Variants in EHD4 observed in about 807,000 individuals in gnomAD.
EHD4 encodes EH domain-containing protein 4.
In EHD4, 37 loss-of-function variants were observed where a neutral mutation model predicts 51.0. That is an observed-to-expected ratio of 0.73 (90% CI 0.56 to 0.95). The LOEUF (loss-of-function observed/expected upper bound fraction) is 0.95, where lower values mean the gene tolerates loss of function less well. EHD4 is among the 40% of genes least tolerant of loss of function. The pLI is 0.00. For missense variants in EHD4, 632 were observed against 733.1 expected (o/e 0.86, Z 1.59); for synonymous variants, 297 against 317.3 (o/e 0.94, Z 0.68).
Position 41,916,142 on chromosome 15 carries a change from T to C in EHD4, c.924+3068A>G, listed in dbSNP as rs755789345. On this transcript the variant is annotated intron_variant, in intron 4 of 5. Transcript: ENST00000220325. ...AGCTGACATCTGAAAACTTACCCTT[T>C]GCATGTTTTCAAAGTGTCAGCTTGA... Among the ~76,000 whole-genome samples the C allele has an allele frequency of 7.9e-5, 12 of 152,322 alleles. No homozygotes were observed. In the South Asian group the frequency reaches 1.5e-3, roughly 18 times the overall value.
chr15:41,898,418 G>A lies in EHD4; in HGVS notation c.*2227C>T, dbSNP rs2067453903. 6.6e-6 allele frequency: 1 copy of A among 152,218 alleles called. No individual in the cohort carries two copies. The allele number at this position is 152,218 out of a possible 1,614,324, so 9.4% of individuals were successfully genotyped here. A position where few individuals can be genotyped will look rare whatever the true frequency, so the allele number is the denominator to read the frequency against. On this transcript the variant is annotated 3_prime_UTR_variant, in exon 6 of 6. Coordinates refer to ENST00000220325, the MANE Select transcript of EHD4 (RefSeq NM_139265.4). Reference sequence around the variant, plus strand: ...CATGTTTATATATGACAATTGAGGAGAGTTAAAGAACAAGATAATTCTGGA... The same window carrying A: ...CATGTTTATATATGACAATTGAGGAAAGTTAAAGAACAAGATAATTCTGGA...
chr15:41,932,968 C>G (rs1218155716), intron 3 of EHD4, among the ~76,000 whole-genome samples: 1 of 152,230 alleles, frequency 6.6e-6, no homozygotes, highest in Non-Finnish European at 1.5e-5. Flanking sequence ...CCGCCCCTAT[C>G]ACCAGTTATT....
chr15:41,955,020 A>G (rs750877393), intron 1 of EHD4, among the ~76,000 whole-genome samples: 8 of 152,204 alleles, frequency 5.3e-5, no homozygotes, highest in Non-Finnish European at 1.0e-4. Flanking sequence ...CAAAGTTTCT[A>G]CGTTTCTGTG....
chr15:41,921,972 G>A (rs1022348989), intron 3 of EHD4, among the ~76,000 whole-genome samples: 1 of 152,252 alleles, frequency 6.6e-6, no homozygotes, highest in Middle Eastern at 3.4e-3. Context: ...TGGTGGTGGC[G>A]GCTTCCTAAC....
chr15:41,944,337 T>C (rs1273751347), intron 2 of EHD4, among the ~76,000 whole-genome samples: 2 of 152,226 alleles, frequency 1.3e-5, no homozygotes, highest in African/African-American at 2.4e-5. Context: ...GCACTGTGCA[T>C]GTTTAAGGCA....
At chr15:41,933,127 G>A (rs923608871) in intron 3 of EHD4, among the ~76,000 whole-genome samples, 7 of 152,224 alleles carry the variant, frequency 4.6e-5, no homozygotes, top group Admixed American at 6.5e-5. Context: ...GGGCCCACAG[G>A]AGTGTGCCTG....
At chr15:41,931,715 C>T (rs1295308613) in intron 3 of EHD4, among the ~76,000 whole-genome samples, 3 of 148,978 alleles carry the variant, frequency 2.0e-5, no homozygotes, top group South Asian at 4.2e-4. Context: ...CTAGCTCTGT[C>T]ACCCAGGCTG....
chr15:41,901,765 GCT>G (rs1469512723), intron 5 of EHD4, among the ~76,000 whole-genome samples: 1 of 152,126 alleles, frequency 6.6e-6, no homozygotes, highest in Middle Eastern at 3.2e-3. Flanking sequence ...CTTCTTAGTG[GCT>G]CTAACCTCTT....
chr15:41,939,081 G>A (rs2067749915), intron 3 of EHD4, among the ~76,000 whole-genome samples: 1 of 152,162 alleles, frequency 6.6e-6, no homozygotes, highest in African/African-American at 2.4e-5. Flanking sequence ...TCTCATCGCA[G>A]AGTCAAACAC....
In EHD4 at chr15:41,905,700, CTCCTCTG is replaced by C. The variant is rs1361579207; in HGVS notation, c.1089+3992_1089+3998del. Among the ~76,000 whole-genome samples, 6 of 152,316 alleles carry C rather than the reference CTCCTCTG, an allele frequency of 3.9e-5. No homozygotes were observed. The East Asian group carries it at 1.2e-3, about 29-fold the overall frequency. ...CATTTTTTCTGTTTTTTGACAGGGT[CTCCTCTG>C]TCGCCCAGGCTGGAGTGCAGTGGCG... On this transcript the variant is annotated intron_variant, in intron 5 of 5. Transcript: ENST00000220325.
chr15:41,941,636 G>A (rs1015763794), intron 3 of EHD4: 7 of 149,550 alleles, frequency 4.7e-5, no homozygotes, highest in Admixed American at 1.3e-4. Flanking sequence ...GCCCGGGAAA[G>A]GTGACCTTAA....
intron 1 of EHD4, among the ~76,000 whole-genome samples, chr15:41,967,649 T>C (rs2067968979): frequency 1.3e-5 from 2 of 152,322 alleles, no homozygotes; most frequent in Non-Finnish European, 2.9e-5. Flanking sequence ...TTTTTAAAAA[T>C]AGATGAACCA....
At chr15:41,949,049 T>TATATAC (rs2067835129) in intron 2 of EHD4, among the ~76,000 whole-genome samples, 1 of 102,418 alleles carries the variant, frequency 9.8e-6, no homozygotes, top group Admixed American at 9.8e-5. Context: ...TATATATATA[T>TATATAC]ATACACACAT....
chr15:41,905,731 C>T (rs1228501065), intron 5 of EHD4, among the ~76,000 whole-genome samples: 1 of 152,144 alleles, frequency 6.6e-6, no homozygotes, highest in Non-Finnish European at 1.5e-5. Flanking sequence ...AGTGCAGTGG[C>T]GTGATCATGG....
intron 1 of EHD4, among the ~76,000 whole-genome samples, chr15:41,970,123 C>G (rs1432400534): frequency 1.3e-5 from 2 of 152,152 alleles, no homozygotes; most frequent in Non-Finnish European, 2.9e-5. Context: ...CACAAGTCTC[C>G]AGGGTAGCTG....
At chr15:41,949,051 T>TATATATATATAC (rs1491135423) in intron 2 of EHD4, among the ~76,000 whole-genome samples, 92 of 109,372 alleles carry the variant, frequency 8.4e-4, no homozygotes, top group South Asian at 2.9e-3. Flanking sequence ...TATATATATA[T>TATATATATATAC]ACACACATAC....
intron 3 of EHD4, among the ~76,000 whole-genome samples, chr15:41,925,131 A>G (rs1401869839): frequency 6.6e-6 from 1 of 152,090 alleles, no homozygotes; most frequent in Non-Finnish European, 1.5e-5. Context: ...GCAAAAGTAA[A>G]TAGGAAGAAA....
At chr15:41,915,544 G>T (rs1279996647) in intron 4 of EHD4, among the ~76,000 whole-genome samples, 1 of 152,116 alleles carries the variant, frequency 6.6e-6, no homozygotes, top group Non-Finnish European at 1.5e-5. Flanking sequence ...CCTCATTTTT[G>T]TTGAGCAAAG....
At chr15:41,944,590 G>T (rs1171056493) in intron 2 of EHD4, among the ~76,000 whole-genome samples, 1 of 152,108 alleles carries the variant, frequency 6.6e-6, no homozygotes, top group African/African-American at 2.4e-5. Context: ...TCTCTGAAGG[G>T]GCTTGGGATA....
Sources: gnomAD v4.1 joint callset for allele counts (sites outside exome capture counted in the v4.1 genomes callset) on GRCh38, gnomAD v4.1.1 for gene constraint, MANE v1.5 for transcripts, NCBI Gene and HGNC (gene_info 2026-07-23, HGNC 2026-07-21) for gene names.